RGS22: variants seen among roughly 807,000 people sequenced by gnomAD.
The protein encoded by RGS22 is regulator of G protein signaling 22.
Under a neutral mutation model 172.9 loss-of-function variants are expected in RGS22, and 148 were observed. The ratio of observed to expected loss-of-function variants is 0.86; its 90% CI spans 0.75 to 0.98. The LOEUF (loss-of-function observed/expected upper bound fraction) is 0.98, where lower values mean the gene tolerates loss of function less well. Among genes scored for constraint, RGS22 ranks in the 50% least tolerant of loss-of-function variants. RGS22 has a pLI of 0.00. For missense variants in RGS22, 1,347 were observed against 1,440.8 expected, an observed-to-expected ratio of 0.93 and a Z score of 1.05; for synonymous variants, 458 against 480.2, an observed-to-expected ratio of 0.95 and a Z score of 0.60.
intron 16 of RGS22, among the ~76,000 whole-genome samples, chr8:100,004,876 C>A (rs1815516637): frequency 6.6e-6 from 1 of 151,322 alleles, no homozygotes; most frequent in South Asian, 2.1e-4. Flanking sequence ...AATTTTATGA[C>A]CTCTGATGTT....
In RGS22 at chr8:100,040,036, A is replaced by G; in HGVS notation, c.1990T>C (p.Leu664=). ...GALGGSDMEN[L]LQSLYVENRA... is the part of the protein sequence containing the mutation. ...TTTTCTACATACAAAGATTGCAACA[A>G]ATTTTCCATGTCAGATCCTCCCAAG... The change falls in exon 13 of 28, where the codon TTG becomes CTG. Residue 664 remains leucine (L), a synonymous_variant. Coordinates refer to ENST00000360863, the MANE Select transcript of RGS22 (RefSeq NM_015668.5). The G allele has an allele frequency of 6.2e-7, 1 of 1,609,896 alleles. No individual in the cohort carries two copies.
chr8:100,002,775 G>A (rs1370187782), intron 17 of RGS22, among the ~76,000 whole-genome samples: 3 of 152,162 alleles, frequency 2.0e-5, no homozygotes, highest in Non-Finnish European at 2.9e-5. Context: ...TTGAATAAGG[G>A]CCAGGCACAA....
At chr8:100,037,455 A>G (rs1819626303) in intron 14 of RGS22, among the ~76,000 whole-genome samples, 1 of 152,190 alleles carries the variant, frequency 6.6e-6, no homozygotes, top group Admixed American at 6.5e-5. Context: ...CCCTGCTTTA[A>G]CTATCCAAAA....
intron 4 of RGS22, among the ~76,000 whole-genome samples, chr8:100,073,574 T>C (rs1811139653): frequency 6.6e-6 from 1 of 152,236 alleles, no homozygotes; most frequent in Non-Finnish European, 1.5e-5. Context: ...CAGTGAGATC[T>C]GAAGGACATT....
At chr8:100,038,045 TAATA>T (rs1250871764) in intron 14 of RGS22, among the ~76,000 whole-genome samples, 23 of 152,248 alleles carry the variant, frequency 1.5e-4, no homozygotes, top group Non-Finnish European at 2.9e-4. Flanking sequence ...GATTATAAGA[TAATA>T]AATAAAATGA....
chr8:100,039,866 C>T lies in RGS22; in HGVS notation c.2064+96G>A, dbSNP rs1819921480. 11 of 656,242 alleles carry T rather than the reference C, an allele frequency of 1.7e-5. No individual in the cohort carries two copies. The South Asian group carries it at 4.1e-4, about 25-fold the overall frequency. 40.7% of individuals were successfully genotyped at this position (656,242 alleles called of 1,614,324 possible). On this transcript the variant is annotated intron_variant, in intron 13 of 27. Transcript: ENST00000360863. ...TTCTTATCACAGATGGGAATTTTAA[C>T]ATCAAATATAATTATGTGAGCACTT...
In RGS22 at chr8:100,063,893, C is replaced by G; in HGVS notation, c.875G>C (p.Arg292Thr). 2.5e-6 allele frequency: 4 copies of G among 1,609,694 alleles called. No individual in the cohort carries two copies. The highest frequency in any genetic ancestry group is 1.3e-5 in the African/African-American group (1 of 74,752). The change falls in exon 8 of 28, where the codon AGA becomes ACA. Residue 292 changes from arginine (R) to threonine (T), a missense_variant. Physicochemically the swap from Arg to Thr is moderately conservative, Grantham distance 71 (BLOSUM62 -1). Coordinates refer to ENST00000360863, the MANE Select transcript of RGS22 (RefSeq NM_015668.5). ...ATCCTGTTTCTTTTCAAGGTATACT[C>G]TCAGAAGAGCTTGAGAAGGAGTGTC... is the stretch of plus-strand genomic sequence containing the variant. ...LQDTPSQALL[R>T]VYLEKKQDVD...
rs758657745 is a variant in RGS22, at chr8:99,963,019, C to A, written c.3616-41G>T. ...TTCAAAGTTAATTCTGAAATGTTTG[C>A]TTTAGGAAATAAACTGAAGATAAGA... On this transcript the variant is annotated intron_variant, in intron 24 of 27. Coordinates refer to ENST00000360863, the MANE Select transcript of RGS22 (RefSeq NM_015668.5). The A allele has an allele frequency of 2.0e-6, 3 of 1,487,292 alleles. No individual in the cohort carries two copies. In the Admixed American group the frequency reaches 7.6e-5, roughly 38 times the overall value. The allele number at this position is 1,487,292 out of a possible 1,614,324, so 92.1% of individuals were successfully genotyped here.
chr8:100,013,322 G>A (rs191669522), intron 14 of RGS22, among the ~76,000 whole-genome samples: 2 of 152,114 alleles, frequency 1.3e-5, no homozygotes, highest in East Asian at 1.9e-4. Flanking sequence ...CAGAGAAGAG[G>A]GTAAAGTAGG....
At chr8:100,105,521 G>A in intron 1 of RGS22, 119 bp from the exon 2 acceptor site, 2 of 827,182 alleles carry the variant, frequency 2.4e-6, no homozygotes, top group South Asian at 1.6e-5. Flanking sequence ...GCACATTTCT[G>A]GCCCTCTGTT....
chr8:100,015,128 C>T (rs1278958975), intron 14 of RGS22, among the ~76,000 whole-genome samples: 1 of 152,140 alleles, frequency 6.6e-6, no homozygotes, highest in East Asian at 1.9e-4. Flanking sequence ...AGTTTTAGAC[C>T]TGATTTCTTC....
intron 14 of RGS22, among the ~76,000 whole-genome samples, chr8:100,027,966 T>G (rs576337417): frequency 1.3e-4 from 20 of 152,204 alleles, no homozygotes; most frequent in Non-Finnish European, 2.6e-4. Flanking sequence ...CACCTGTATA[T>G]GATCTTGTAA....
At chr8:99,985,263 A>G (rs2131229942) in intron 21 of RGS22, among the ~76,000 whole-genome samples, 1 of 152,310 alleles carries the variant, frequency 6.6e-6, no homozygotes. Context: ...TTCTTGTGAG[A>G]ATAAATTCAT....
intron 6 of RGS22, among the ~76,000 whole-genome samples, chr8:100,066,803 T>C (rs1359458276): frequency 1.3e-5 from 2 of 152,232 alleles, no homozygotes; most frequent in Non-Finnish European, 2.9e-5. Context: ...GCTGCCCCTT[T>C]GCATTAGATT....
intron 14 of RGS22, among the ~76,000 whole-genome samples, chr8:100,014,991 T>C (rs1337075099): frequency 6.6e-6 from 1 of 152,224 alleles, no homozygotes; most frequent in East Asian, 1.9e-4. Context: ...GGGTCTACTT[T>C]GTTTATTACT....
chr8:99,965,581 C>T (rs1356137556), intron 23 of RGS22, 151 bp from the exon 24 acceptor site: 3 of 500,636 alleles, frequency 6.0e-6, no homozygotes, highest in Non-Finnish European at 1.1e-5. Context: ...ACTAATGTGA[C>T]AGAGTCTCCT....
chr8:100,073,135 CAT>C (rs1811106874), intron 4 of RGS22, among the ~76,000 whole-genome samples: 1 of 152,146 alleles, frequency 6.6e-6, no homozygotes, highest in South Asian at 2.1e-4. Flanking sequence ...GGACACAAAA[CAT>C]ATGTTACTAA....
At position 100,052,941 on chromosome 8, in the gene RGS22, G is replaced by C. The variant is rs1821836469; in HGVS notation, c.1550C>G (p.Thr517Arg). Residue 517 changes from threonine to arginine, a missense_variant, in exon 10 of 28, where the codon ACA (threonine) becomes AGA (arginine). By Grantham distance (71) the Thr-to-Arg change is moderately conservative. Transcript: ENST00000360863. ...TTTCAGTTCAGCACTAGCATATTTT[G>C]TTGAGGCTGAATGAGTAACACAGAA... ...PRFCVTHSAS[T>R]KYASAELKFW... 1 of 1,614,044 alleles carries C rather than the reference G, an allele frequency of 6.2e-7. No individual in the cohort carries two copies.
In RGS22 at chr8:99,976,742, T is replaced by C. The variant is rs186488084; in HGVS notation, c.3519+1175A>G. On this transcript the variant is annotated intron_variant, in intron 23 of 27. Transcript: ENST00000360863. ...CTAGATATAGGGAGGGTTATAGAAC[T>C]CAGGGCTGAGGTTACTAGATCTTAC... 6.9e-4 allele frequency among the ~76,000 whole-genome samples: 105 copies of C among 152,266 alleles called. 1 individual carries two copies. Among genetic ancestry groups the C allele is most frequent in the African/African-American group, 2.4e-3 (99 of 41,558 alleles).
Sources: gnomAD v4.1 joint callset for allele counts (sites outside exome capture counted in the v4.1 genomes callset) on GRCh38, gnomAD v4.1.1 for gene constraint, MANE v1.5 for transcripts, NCBI Gene and HGNC (gene_info 2026-07-23, HGNC 2026-07-21) for gene names.